The following ADAMTSL1 variants were observed in gnomAD, a reference collection of about 807,000 sequenced individuals.
ADAMTSL1 encodes the protein ADAMTS-like protein 1.
ADAMTSL1 carries 126 observed loss-of-function variants against 201.8 expected under a neutral mutation model. The ratio of observed to expected loss-of-function variants is 0.62; its 90% CI spans 0.54 to 0.72. The LOEUF is 0.72. ADAMTSL1 is among the 30% of genes least tolerant of loss of function. The pLI, the probability that ADAMTSL1 is intolerant of heterozygous loss-of-function variation, is 0.00. For synonymous variants in ADAMTSL1, 1,121 were observed against 903.4 expected (o/e 1.24, Z -4.32); for missense variants, 2,679 against 2,277.8 (o/e 1.18, Z -3.59).
At chr9:18,342,331 C>T (rs2132971342) in intron 2 of ADAMTSL1, among the ~76,000 whole-genome samples, 1 of 152,138 alleles carries the variant, frequency 6.6e-6, no homozygotes, top group South Asian at 2.1e-4. Flanking sequence ...TAACTTTTAT[C>T]TCATGGCTTT....
chr9:18,214,062 A>C (rs1481804238), intron 2 of ADAMTSL1, among the ~76,000 whole-genome samples: 1 of 152,058 alleles, frequency 6.6e-6, no homozygotes, highest in East Asian at 1.9e-4. Flanking sequence ...GTAATTTTAA[A>C]ATTTTACGTA....
At chr9:18,544,330 G>C (rs1820344275) in intron 3 of ADAMTSL1, among the ~76,000 whole-genome samples, 1 of 152,146 alleles carries the variant, frequency 6.6e-6, no homozygotes, top group Non-Finnish European at 1.5e-5. Context: ...TTCCAGAAAA[G>C]TTATATTCCT....
intron 20 of ADAMTSL1, among the ~76,000 whole-genome samples, chr9:18,799,192 A>G (rs1003379041): frequency 6.6e-6 from 1 of 151,548 alleles, no homozygotes; most frequent in African/African-American, 2.4e-5. Context: ...TTAGGAGGGG[A>G]GGATTGCAGG....
intron 26 of ADAMTSL1, among the ~76,000 whole-genome samples, chr9:18,893,935 T>C (rs75737104): frequency 0.039 from 5,896 of 152,324 alleles, 128 homozygotes; most frequent in East Asian, 0.12. Context: ...CTTTCTCCTT[T>C]TAATCCAACA....
At chr9:18,033,168 G>T (rs116924883) in intron 1 of ADAMTSL1, among the ~76,000 whole-genome samples, 1 of 151,850 alleles carries the variant, frequency 6.6e-6, no homozygotes, top group African/African-American at 2.4e-5. Context: ...ATTTAATGTC[G>T]CTATCAAGGA....
intron 2 of ADAMTSL1, among the ~76,000 whole-genome samples, chr9:18,516,483 G>C (rs1486707728): frequency 6.6e-6 from 1 of 152,170 alleles, no homozygotes; most frequent in Non-Finnish European, 1.5e-5. Flanking sequence ...AGGAATCCCT[G>C]GTCCAGATAA....
At chr9:18,326,007 G>T (rs1834818239) in intron 2 of ADAMTSL1, among the ~76,000 whole-genome samples, 1 of 152,198 alleles carries the variant, frequency 6.6e-6, no homozygotes, top group Admixed American at 6.5e-5. Flanking sequence ...CTCCCAAAGT[G>T]CTGGGATTAC....
chr9:18,327,741 G>A (rs951867737), intron 2 of ADAMTSL1, among the ~76,000 whole-genome samples: 1 of 152,108 alleles, frequency 6.6e-6, no homozygotes, highest in Non-Finnish European at 1.5e-5. Context: ...ATTATAAAAG[G>A]TCTTGACTGA....
At chr9:18,252,226 CA>C (rs1283181418) in intron 2 of ADAMTSL1, among the ~76,000 whole-genome samples, 1 of 151,990 alleles carries the variant, frequency 6.6e-6, no homozygotes, top group Admixed American at 6.6e-5. Flanking sequence ...TTTTTAAAGA[CA>C]TATAACTCAG....
intron 1 of ADAMTSL1, among the ~76,000 whole-genome samples, chr9:18,146,996 A>G (rs983265018): frequency 1.3e-5 from 2 of 152,066 alleles, no homozygotes; most frequent in South Asian, 2.1e-4. Flanking sequence ...GAAGGCATGG[A>G]TCTTACCATT....
intron 2 of ADAMTSL1, among the ~76,000 whole-genome samples, chr9:18,258,833 C>T (rs1190450987): frequency 6.6e-6 from 1 of 152,206 alleles, no homozygotes; most frequent in Non-Finnish European, 1.5e-5. Context: ...GTCTACACAT[C>T]CTTAATTTTA....
intron 1 of ADAMTSL1, among the ~76,000 whole-genome samples, chr9:17,938,502 T>C (rs1480887865): frequency 6.6e-6 from 1 of 152,194 alleles, no homozygotes; most frequent in East Asian, 1.9e-4. Flanking sequence ...CTCGTTCTTC[T>C]TCATTGTGTC....
At chr9:18,653,826 A>T (rs1828451840) in intron 7 of ADAMTSL1, among the ~76,000 whole-genome samples, 1 of 152,250 alleles carries the variant, frequency 6.6e-6, no homozygotes, top group African/African-American at 2.4e-5. Context: ...AGGTATTTCA[A>T]ACAGTGAGAC....
intron 1 of ADAMTSL1, among the ~76,000 whole-genome samples, chr9:18,090,343 C>G (rs1337636721): frequency 6.6e-6 from 1 of 152,142 alleles, no homozygotes; most frequent in African/African-American, 2.4e-5. Flanking sequence ...AACAGGAAAG[C>G]AACTCATGTC....
intron 4 of ADAMTSL1, among the ~76,000 whole-genome samples, chr9:18,610,270 C>T (rs141743634): frequency 9.5e-4 from 145 of 152,260 alleles, no homozygotes; most frequent in African/African-American, 3.2e-3. Context: ...AAGAAATTTA[C>T]TATTTCATCC....
chr9:17,998,158 CAT>C (rs755256811), intron 1 of ADAMTSL1, among the ~76,000 whole-genome samples: 4 of 152,056 alleles, frequency 2.6e-5, no homozygotes, highest in African/African-American at 4.8e-5. Flanking sequence ...TGGAAGCAGA[CAT>C]GTGTTAAAAG....
intron 2 of ADAMTSL1, among the ~76,000 whole-genome samples, chr9:18,256,698 C>G (rs556660512): frequency 3.2e-4 from 49 of 152,272 alleles, no homozygotes; most frequent in African/African-American, 1.1e-3. Flanking sequence ...GGAAGTTTTG[C>G]TTCTAGCCCA....
chr9:18,511,899 C>A (rs1818047021), intron 2 of ADAMTSL1, among the ~76,000 whole-genome samples: 1 of 152,084 alleles, frequency 6.6e-6, no homozygotes, highest in Non-Finnish European at 1.5e-5. Context: ...AATTAAGATT[C>A]ACAGGACTTG....
intron 1 of ADAMTSL1, among the ~76,000 whole-genome samples, chr9:18,117,390 C>T (rs995270344): frequency 1.3e-5 from 2 of 152,108 alleles, no homozygotes; most frequent in African/African-American, 2.4e-5. Context: ...CACACTGGCT[C>T]ATTGGTGTTT....
Sources: gnomAD v4.1 joint callset for allele counts (sites outside exome capture counted in the v4.1 genomes callset) on GRCh38, gnomAD v4.1.1 for gene constraint, MANE v1.5 for transcripts, NCBI Gene and HGNC (gene_info 2026-07-23, HGNC 2026-07-21) for gene names.